The following SLCO1A2 variants were observed in gnomAD, a reference collection of about 807,000 sequenced individuals.
The protein encoded by SLCO1A2 is solute carrier organic anion transporter family member 1A2, also known as OATP-1.
Under a neutral mutation model 69.0 loss-of-function variants are expected in SLCO1A2, and 67 were observed. That is an observed-to-expected ratio of 0.97 (90% confidence interval 0.80 to 1.19). SLCO1A2 has a LOEUF of 1.19. Among genes scored for constraint, SLCO1A2 ranks in the 50% most tolerant of loss-of-function variants. The pLI, the probability that SLCO1A2 is intolerant of heterozygous loss-of-function variation, is 0.00. For synonymous variants in SLCO1A2, 260 were observed against 265.9 expected, an observed-to-expected ratio of 0.98 and a Z score of 0.22; for missense variants, 787 against 793.7, an observed-to-expected ratio of 0.99 and a Z score of 0.10.
chr12:21,361,472 C>T (rs1021132917), intron 2 of SLCO1A2, among the ~76,000 whole-genome samples: 8 of 152,282 alleles, frequency 5.3e-5, no homozygotes, highest in South Asian at 2.1e-4. Context: ...TAAAAATTAG[C>T]GCACCTCTTC....
At chr12:21,373,406 C>T (rs1939944426) in intron 2 of SLCO1A2, 6 of 1,612,954 alleles carry the variant, frequency 3.7e-6, no homozygotes, top group Non-Finnish European at 5.1e-6. Flanking sequence ...TGCATTGAAC[C>T]ATCTGAAAGC....
In SLCO1A2 at chr12:21,285,837, T is replaced by C. The variant is rs981381898; in HGVS notation, c.1610+6327A>G. On this transcript the variant is annotated intron_variant, in intron 12 of 14. Transcript: ENST00000683939. ...TTCATGCTAAAAACTCTCAATAAAT[T>C]AGGTATTGATGGGACGTATTTCAAA... is the stretch of plus-strand genomic sequence containing the variant. Among the ~76,000 whole-genome samples, 6 of 151,824 alleles carry C rather than the reference T, an allele frequency of 4.0e-5. No individual in the cohort carries two copies. In the South Asian group the frequency reaches 8.3e-4, roughly 21 times the overall value.
chr12:21,400,577 T>G (rs372684431), intron 1 of SLCO1A2, among the ~76,000 whole-genome samples: 5 of 151,948 alleles, frequency 3.3e-5, no homozygotes, highest in African/African-American at 1.2e-4. Context: ...CACATGCACA[T>G]GTATGTTTAT....
At chr12:21,404,305 G>C (rs1470340032) in intron 1 of SLCO1A2, among the ~76,000 whole-genome samples, 1 of 152,104 alleles carries the variant, frequency 6.6e-6, no homozygotes, top group Non-Finnish European at 1.5e-5. Flanking sequence ...GTAAAAATGT[G>C]CCATGATGAT....
upstream of SLCO1A2, among the ~76,000 whole-genome samples, chr12:21,419,010 C>T (rs1033703078): frequency 2.0e-5 from 3 of 152,040 alleles, no homozygotes; most frequent in Non-Finnish European, 4.4e-5. Flanking sequence ...AATAGATATA[C>T]TTTTCCCTAT....
intron 4 of SLCO1A2, among the ~76,000 whole-genome samples, chr12:21,310,057 TAAGTA>T (rs1024548996): frequency 8.5e-5 from 13 of 152,170 alleles, no homozygotes; most frequent in African/African-American, 3.1e-4. Flanking sequence ...AAAAGTTATA[TAAGTA>T]AAGAATGATA....
chr12:21,314,883 G>A (rs564385574), intron 3 of SLCO1A2, among the ~76,000 whole-genome samples: 1 of 152,296 alleles, frequency 6.6e-6, no homozygotes, highest in African/African-American at 2.4e-5. Flanking sequence ...AATGTAGACA[G>A]ATACAGAAAC....
chr12:21,304,855 T>A (rs893134863), intron 5 of SLCO1A2, among the ~76,000 whole-genome samples: 19 of 152,212 alleles, frequency 1.2e-4, no homozygotes, highest in Middle Eastern at 3.4e-3. Context: ...CAGTGACACC[T>A]CATTGGTAGT....
intron 1 of SLCO1A2, among the ~76,000 whole-genome samples, chr12:21,380,132 A>G (rs1335434199): frequency 6.6e-6 from 1 of 152,182 alleles, no homozygotes; most frequent in East Asian, 1.9e-4. Context: ...ACACCTATAT[A>G]TGATATAAAT....
At chr12:21,369,585 T>C (rs911281939) in intron 2 of SLCO1A2, among the ~76,000 whole-genome samples, 19 of 152,348 alleles carry the variant, frequency 1.2e-4, no homozygotes, top group African/African-American at 4.3e-4. Context: ...AGATATCACA[T>C]ATTATTCCAC....
At chr12:21,397,475 G>T (rs1320490849), upstream of SLCO1A2, among the ~76,000 whole-genome samples, 1 of 151,748 alleles carries the variant, frequency 6.6e-6, no homozygotes. Context: ...GAGACAGAAA[G>T]TCAACAAGGA....
chr12:21,394,425 C>A (rs1382339737), intron 1 of SLCO1A2, among the ~76,000 whole-genome samples: 1 of 150,320 alleles, frequency 6.7e-6, no homozygotes, highest in Non-Finnish European at 1.5e-5. Flanking sequence ...CCTGTAGTCC[C>A]AGCTACTGGG....
upstream of SLCO1A2, among the ~76,000 whole-genome samples, chr12:21,397,623 G>A (rs1263261253): frequency 6.6e-6 from 1 of 151,948 alleles, no homozygotes; most frequent in African/African-American, 2.4e-5. Flanking sequence ...ATACTGGGAA[G>A]TAAAGCTCTC....
intron 1 of SLCO1A2, among the ~76,000 whole-genome samples, chr12:21,402,990 A>C (rs2137195088): frequency 6.6e-6 from 1 of 152,266 alleles, no homozygotes; most frequent in African/African-American, 2.4e-5. Flanking sequence ...TAATGTTCTG[A>C]GATTTCCAGA....
At chr12:21,373,004 G>T (rs1939912109) in intron 2 of SLCO1A2, 1 of 280,154 alleles carries the variant, frequency 3.6e-6, no homozygotes. Flanking sequence ...AACATTAAAA[G>T]GTAAAGAATT....
chr12:21,367,237 C>T (rs1427884023), intron 2 of SLCO1A2, among the ~76,000 whole-genome samples: 1 of 152,092 alleles, frequency 6.6e-6, no homozygotes, highest in Non-Finnish European at 1.5e-5. Flanking sequence ...TGCTCAGAAA[C>T]AAAAGGTCTC....
At chr12:21,419,035 G>A (rs1451514474), upstream of SLCO1A2, 3 of 152,106 alleles carry the variant, frequency 2.0e-5, no homozygotes, top group African/African-American at 7.2e-5. Flanking sequence ...CCCACTATGT[G>A]AGGCTAATAA....
chr12:21,274,722 G>A (rs1321302952), intron 13 of SLCO1A2, 136 bp from the exon 14 acceptor site: 2 of 731,392 alleles, frequency 2.7e-6, no homozygotes, highest in African/African-American at 1.8e-5. Context: ...TTTATTTTTA[G>A]AAATGATGAG....
intron 1 of SLCO1A2, chr12:21,378,151 A>T: frequency 8.0e-7 from 1 of 1,245,012 alleles, no homozygotes; most frequent in Non-Finnish European, 1.2e-6. Flanking sequence ...TTTGGTTTTC[A>T]TCAATACAAG....
Sources: allele counts gnomAD v4.1 joint callset (sites outside exome capture counted in the v4.1 genomes callset), GRCh38; gene constraint gnomAD v4.1.1; transcripts MANE v1.5; gene names NCBI Gene and HGNC (gene_info 2026-07-23, HGNC 2026-07-21).